Variants in CACNA1C observed in about 807,000 individuals in gnomAD.
The protein encoded by CACNA1C is calcium voltage-gated channel subunit alpha1 C.
CACNA1C carries 30 observed loss-of-function variants against 229.0 expected under a neutral mutation model. The observed-to-expected ratio is 0.13, with a 90% CI of 0.10 to 0.18. The LOEUF (loss-of-function observed/expected upper bound fraction) is 0.18. Ranked by LOEUF, CACNA1C falls within the 10% of genes least tolerant of loss-of-function variation. CACNA1C has a pLI of 1.00. For missense variants in CACNA1C, 1,658 were observed against 2,845.0 expected, an observed-to-expected ratio of 0.58 and a Z score of 9.49; for synonymous variants, 1,114 against 1,132.5, an observed-to-expected ratio of 0.98 and a Z score of 0.33.
At chr12:2,352,374 C>T (rs1220325634) in intron 3 of CACNA1C, among the ~76,000 whole-genome samples, 1 of 152,188 alleles carries the variant, frequency 6.6e-6, no homozygotes, top group Non-Finnish European at 1.5e-5. Flanking sequence ...TAAAAAAAGT[C>T]TTCATCAATC....
At chr12:2,308,455 G>T (rs2095222761) in intron 3 of CACNA1C, among the ~76,000 whole-genome samples, 1 of 152,100 alleles carries the variant, frequency 6.6e-6, no homozygotes, top group Admixed American at 6.5e-5. Context: ...TTTCTCCATT[G>T]TGTATTCTTA....
chr12:2,455,801 C>T (rs1034555995), intron 4 of CACNA1C, among the ~76,000 whole-genome samples: 1 of 152,182 alleles, frequency 6.6e-6, no homozygotes, highest in African/African-American at 2.4e-5. Context: ...CATGGGGCGC[C>T]GTTCTCTCCA....
At chr12:2,028,512 C>T (rs1015647925) in intron 1 of CACNA1C, among the ~76,000 whole-genome samples, 2 of 152,092 alleles carry the variant, frequency 1.3e-5, no homozygotes, top group South Asian at 2.1e-4. Flanking sequence ...CTTTTATTAT[C>T]CTATTTACTA....
chr12:2,544,419 A>G (rs1268819955), intron 9 of CACNA1C, among the ~76,000 whole-genome samples: 2 of 152,238 alleles, frequency 1.3e-5, no homozygotes, highest in African/African-American at 2.4e-5. Context: ...GGTGCAGCCC[A>G]CAAGTTCAGC....
intron 3 of CACNA1C, among the ~76,000 whole-genome samples, chr12:2,358,609 A>G (rs1357948443): frequency 6.6e-6 from 1 of 152,170 alleles, no homozygotes; most frequent in Non-Finnish European, 1.5e-5. Context: ...AGGACTTGAA[A>G]GAAAGGAGAA....
intron 9 of CACNA1C, among the ~76,000 whole-genome samples, chr12:2,534,598 C>A (rs769990285): frequency 6.6e-6 from 1 of 152,198 alleles, no homozygotes; most frequent in African/African-American, 2.4e-5. Flanking sequence ...TCACCTCCCC[C>A]ACCCCTGCAG....
chr12:2,526,033 C>T (rs759157319), intron 9 of CACNA1C, among the ~76,000 whole-genome samples: 2 of 152,094 alleles, frequency 1.3e-5, no homozygotes, highest in Non-Finnish European at 2.9e-5. Context: ...CAATTGGCAG[C>T]GTTAGGCTGG....
intron 1 of CACNA1C, among the ~76,000 whole-genome samples, chr12:2,091,604 C>A (rs2071078875): frequency 6.6e-6 from 1 of 152,170 alleles, no homozygotes; most frequent in Admixed American, 6.5e-5. Flanking sequence ...TGACCTCAGA[C>A]CCACATGGAT....
rs2052865699 is a variant in CACNA1C, at chr12:2,053,308, C to T, written c.-255C>T. Reference sequence around the variant, plus strand: ...CGGTGCTCAGTTCTTGGAAGGGGCCCGGATGTACTGAGGATGCGTTACAGT... The same window carrying T: ...CGGTGCTCAGTTCTTGGAAGGGGCCTGGATGTACTGAGGATGCGTTACAGT... On this transcript the variant is annotated 5_prime_UTR_variant, in exon 1 of 47. Transcript: ENST00000399655. The surrounding 1 kb of genome is among the most constrained non-coding windows in gnomAD (Gnocchi z 5.8). 2 of 1,221,580 alleles carry T rather than the reference C, an allele frequency of 1.6e-6. No individual in the cohort carries two copies. The highest frequency in any genetic ancestry group is 4.0e-5 in the Admixed American group (1 of 25,006). 75.7% of individuals were successfully genotyped at this position (1,221,580 alleles called of 1,614,324 possible).
intron 1 of CACNA1C, among the ~76,000 whole-genome samples, chr12:1,996,633 A>T (rs754489010): frequency 8.6e-6 from 1 of 115,826 alleles, no homozygotes; most frequent in Admixed American, 8.9e-5. Flanking sequence ...AAAAAAAAAA[A>T]AAAAAAAAAA....
At chr12:2,028,225 T>C (rs2047653108) in intron 1 of CACNA1C, among the ~76,000 whole-genome samples, 1 of 152,250 alleles carries the variant, frequency 6.6e-6, no homozygotes, top group Middle Eastern at 3.2e-3. Context: ...TCCAAGACAG[T>C]GTCTCAGGAG....
intron 29 of CACNA1C, among the ~76,000 whole-genome samples, chr12:2,627,399 G>T (rs2087386265): frequency 6.6e-6 from 1 of 152,024 alleles, no homozygotes; most frequent in African/African-American, 2.4e-5. Context: ...GATCAACTCT[G>T]CATAGACACA....
chr12:1,996,101 T>C (rs2040727743), intron 1 of CACNA1C, among the ~76,000 whole-genome samples: 1 of 152,240 alleles, frequency 6.6e-6, no homozygotes, highest in African/African-American at 2.4e-5. Flanking sequence ...ATTTCTATTA[T>C]TCTAATCCCA....
chr12:2,348,468 G>A lies in CACNA1C; in HGVS notation c.478-100508G>A, dbSNP rs2097113395. On this transcript the variant is annotated intron_variant, in intron 3 of 46. Coordinates refer to ENST00000399655, the MANE Select transcript of CACNA1C (RefSeq NM_000719.7). This position sits in a 1 kb window ranked among gnomAD's most constrained non-coding sequence, Gnocchi z 4.7. ...CCCCTTTCCCGTTGGCGTGTATGGT[G>A]TCTTCTCGCTGAGCCACAGCACCTG... Among the ~76,000 whole-genome samples, 1 of 152,230 alleles carries A rather than the reference G, an allele frequency of 6.6e-6. No homozygotes were observed. Among genetic ancestry groups the A allele is most frequent in the African/African-American group, 2.4e-5 (1 of 41,458 alleles).
intron 3 of CACNA1C, among the ~76,000 whole-genome samples, chr12:2,138,561 A>G (rs1039711853): frequency 1.3e-5 from 2 of 151,052 alleles, no homozygotes; most frequent in Non-Finnish European, 3.0e-5. Flanking sequence ...GACCAGAGAG[A>G]GCAGGTAAGA....
chr12:2,427,400 C>A (rs922223127), intron 3 of CACNA1C, among the ~76,000 whole-genome samples: 6 of 152,090 alleles, frequency 3.9e-5, no homozygotes, highest in African/African-American at 1.4e-4. Context: ...GTTGGCAACC[C>A]TGTGTCCATT....
intron 3 of CACNA1C, among the ~76,000 whole-genome samples, chr12:2,234,038 G>T (rs1049472822): frequency 2.0e-5 from 3 of 152,134 alleles, no homozygotes; most frequent in African/African-American, 4.8e-5. Context: ...CCCTTTGGCT[G>T]TTTATTAGCA....
chr12:2,485,611 A>C (rs888809461), intron 5 of CACNA1C, among the ~76,000 whole-genome samples: 4 of 152,188 alleles, frequency 2.6e-5, no homozygotes, highest in African/African-American at 2.4e-5. Flanking sequence ...TCAAGTGTAC[A>C]TTCAGTGGCA....
At position 2,107,037 on chromosome 12, in the gene CACNA1C, C is replaced by T. The variant is rs1207734435; in HGVS notation, c.50-8187C>T. The stretch of plus-strand genomic sequence containing the variant: ...TGCCCACCCCGGGGAGGTTTTCCAC[C>T]TCAGCTGGGGTGTCCTGAAACCACT... On this transcript the variant is annotated intron_variant, in intron 1 of 46. Transcript: ENST00000399655. 6.5e-5 allele frequency among the ~76,000 whole-genome samples: 6 copies of T among 91,680 alleles called. 1 individual carries two copies. The highest frequency in any genetic ancestry group is 2.1e-4 in the Admixed American group (2 of 9,606). 60.1% of individuals were successfully genotyped at this position (91,680 alleles called of 152,430 possible). A position where few individuals can be genotyped will look rare whatever the true frequency, so the allele number is the denominator to read the frequency against.
Sources: gnomAD v4.1 joint callset for allele counts (sites outside exome capture counted in the v4.1 genomes callset) on GRCh38, gnomAD v4.1.1 for gene constraint, Gnocchi (gnomAD v3.1) non-coding constraint, MANE v1.5 for transcripts, NCBI Gene and HGNC (gene_info 2026-07-23, HGNC 2026-07-21) for gene names.